Variants in SLC44A5 observed in about 807,000 individuals in gnomAD.
SLC44A5 encodes solute carrier family 44 member 5.
Under a neutral mutation model 101.8 loss-of-function variants are expected in SLC44A5, and 57 were observed. The observed-to-expected ratio is 0.56, with a 90% CI of 0.45 to 0.70. SLC44A5 has a LOEUF of 0.70. Among genes scored for constraint, SLC44A5 ranks in the 30% least tolerant of loss-of-function variants. The pLI, the probability that SLC44A5 is intolerant of heterozygous loss-of-function variation, is 0.00. For synonymous variants in SLC44A5, 281 were observed against 290.9 expected (o/e 0.97, Z 0.35); for missense variants, 737 against 853.1 (o/e 0.86, Z 1.70).
chr1:75,242,489 G>C (rs1232570905), intron 8 of SLC44A5, among the ~76,000 whole-genome samples: 3 of 151,952 alleles, frequency 2.0e-5, no homozygotes, highest in Non-Finnish European at 4.4e-5. Flanking sequence ...TTTTAAATGA[G>C]TTGTTATCAA....
chr1:75,709,721 C>T, the SLC44A5 span, among the ~76,000 whole-genome samples: 22 of 152,276 alleles, frequency 1.4e-4, no homozygotes, highest in African/African-American at 5.1e-4. Context: ...TTTTATCAGT[C>T]TTGCTAGAGG....
chr1:75,530,059 T>A (rs1247814948), intron 2 of SLC44A5, among the ~76,000 whole-genome samples: 1 of 151,774 alleles, frequency 6.6e-6, no homozygotes, highest in Non-Finnish European at 1.5e-5. Context: ...AAATAACATC[T>A]TTTTTTTGAG....
intron 3 of SLC44A5, chr1:75,357,244 A>G (rs1475375994): frequency 2.2e-5 from 10 of 455,820 alleles, no homozygotes; most frequent in Admixed American, 2.1e-4. Context: ...AACCAAGAGC[A>G]CTTCCTGTAT....
chr1:75,220,302 G>A (rs975152), intron 14 of SLC44A5, among the ~76,000 whole-genome samples: 64,018 of 151,760 alleles, frequency 0.42, 14,318 homozygotes, highest in East Asian at 0.82. Flanking sequence ...ACTACCCTTC[G>A]GTGAACACAT....
the SLC44A5 span, among the ~76,000 whole-genome samples, chr1:75,658,361 C>A: frequency 6.6e-6 from 1 of 152,048 alleles, no homozygotes. Context: ...TAGGTGTGAA[C>A]TACTACACTC....
At chr1:75,644,193 G>T in the SLC44A5 span, among the ~76,000 whole-genome samples, 19 of 152,100 alleles carry the variant, frequency 1.2e-4, no homozygotes, top group African/African-American at 4.6e-4. Context: ...TACTAAGATA[G>T]TAAAAAAAAT....
intron 6 of SLC44A5, among the ~76,000 whole-genome samples, chr1:75,268,868 C>A (rs1372747708): frequency 6.6e-6 from 1 of 152,024 alleles, no homozygotes; most frequent in Non-Finnish European, 1.5e-5. Flanking sequence ...TTTAATCAAT[C>A]TCCTATTGAG....
At chr1:75,419,473 A>G (rs3845362) in intron 2 of SLC44A5, among the ~76,000 whole-genome samples, 16,262 of 148,632 alleles carry the variant, frequency 0.11, 1,015 homozygotes, top group Admixed American at 0.19. Context: ...AAGAGAGAGA[A>G]AAAAAAAAAG....
At chr1:75,467,363 G>T (rs552591440) in intron 2 of SLC44A5, among the ~76,000 whole-genome samples, 1 of 152,096 alleles carries the variant, frequency 6.6e-6, no homozygotes, top group African/African-American at 2.4e-5. Flanking sequence ...AGAGGACCCA[G>T]AATAACCAAA....
At chr1:75,397,791 C>T (rs1662219894) in intron 2 of SLC44A5, among the ~76,000 whole-genome samples, 1 of 152,046 alleles carries the variant, frequency 6.6e-6, no homozygotes, top group Non-Finnish European at 1.5e-5. Flanking sequence ...GCTCCAGAGT[C>T]CATTTGTAAT....
At chr1:75,711,701 G>A in the SLC44A5 span, among the ~76,000 whole-genome samples, 1 of 152,222 alleles carries the variant, frequency 6.6e-6, no homozygotes, top group Non-Finnish European at 1.5e-5. Flanking sequence ...TAGTGACTCA[G>A]GCAAGAGATG....
chr1:75,699,691 C>A, the SLC44A5 span, among the ~76,000 whole-genome samples: 1 of 151,620 alleles, frequency 6.6e-6, no homozygotes, highest in East Asian at 1.9e-4. Flanking sequence ...CTAAATGCTC[C>A]AATTAAAAGA....
At chr1:75,232,560 C>A (rs1449106263) in intron 12 of SLC44A5, among the ~76,000 whole-genome samples, 1 of 151,970 alleles carries the variant, frequency 6.6e-6, no homozygotes, top group Non-Finnish European at 1.5e-5. Context: ...AGGTGGGATG[C>A]AAGAGGAGCC....
the SLC44A5 span, among the ~76,000 whole-genome samples, chr1:75,640,138 T>G: frequency 6.6e-6 from 1 of 152,022 alleles, no homozygotes; most frequent in Non-Finnish European, 1.5e-5. Context: ...TCGCCAAATT[T>G]TTGTTGAGTT....
intron 2 of SLC44A5, among the ~76,000 whole-genome samples, chr1:75,523,183 G>A (rs1426330488): frequency 6.6e-6 from 1 of 152,234 alleles, no homozygotes; most frequent in South Asian, 2.1e-4. Flanking sequence ...CCTACTGCTT[G>A]CCTGTTTAGC....
At position 75,251,252 on chromosome 1, in the gene SLC44A5, G is replaced by C. The variant is rs149200222; in HGVS notation, c.303C>G (p.Thr101=). 3.5e-5 allele frequency: 57 copies of C among 1,613,438 alleles called. No homozygotes were observed. In the East Asian group the frequency reaches 1.2e-3, roughly 35 times the overall value. ...GTAGGTTTAGCAACACGGAGGGACT[G>C]GTACAGCGTAACAGGTTAAAGTAAA... is the stretch of plus-strand genomic sequence containing the variant. The part of the protein sequence containing the change: ...ILFYFNLLRC[T]SPSVLLNLQC... Residue 101 remains threonine, a synonymous_variant, in exon 7 of 24, where the codon ACC becomes ACG. Transcript: ENST00000370859.
chr1:75,269,134 C>G (rs1651246433), intron 6 of SLC44A5, among the ~76,000 whole-genome samples: 1 of 152,082 alleles, frequency 6.6e-6, no homozygotes, highest in Non-Finnish European at 1.5e-5. Flanking sequence ...ACTTGACAAC[C>G]TATAAGACAA....
At chr1:75,389,192 C>T (rs1661619983) in intron 3 of SLC44A5, among the ~76,000 whole-genome samples, 1 of 152,174 alleles carries the variant, frequency 6.6e-6, no homozygotes, top group African/African-American at 2.4e-5. Flanking sequence ...ACAGGTACTT[C>T]TACACCTATG....
At chr1:75,447,039 A>AC (rs1381653589) in intron 2 of SLC44A5, among the ~76,000 whole-genome samples, 4 of 152,128 alleles carry the variant, frequency 2.6e-5, no homozygotes. Context: ...TGTGGAAGGT[A>AC]CCCGGTGCTG....
Sources: allele counts gnomAD v4.1 joint callset (sites outside exome capture counted in the v4.1 genomes callset), GRCh38; gene constraint gnomAD v4.1.1; transcripts MANE v1.5; gene names NCBI Gene and HGNC (gene_info 2026-07-23, HGNC 2026-07-21).